The following PBX1 variants were observed in gnomAD, a reference collection of about 807,000 sequenced individuals.
PBX1 encodes the protein PBX homeobox 1.
A neutral mutation model predicts 53.4 loss-of-function variants in PBX1; 6 were observed. The ratio of observed to expected loss-of-function variants is 0.11; its 90% confidence interval spans 0.06 to 0.22. The LOEUF is 0.22. PBX1 is among the 10% of genes least tolerant of loss of function. The probability of loss-of-function intolerance (pLI) is 1.00; values close to 1 mark genes in which losing one functional copy is unlikely to be tolerated. For synonymous variants in PBX1, 204 were observed against 212.3 expected (o/e 0.96, Z 0.34); for missense variants, 251 against 551.4 (o/e 0.46, Z 5.46).
intron 2 of PBX1, among the ~76,000 whole-genome samples, chr1:164,566,033 A>G (rs1037833309): frequency 6.6e-6 from 1 of 152,096 alleles, no homozygotes; most frequent in Non-Finnish European, 1.5e-5. Flanking sequence ...GGAACTTGGT[A>G]ATTGCATTGA....
chr1:164,700,560 T>C, intron 2 of PBX1: 1 of 985,242 alleles, frequency 1.0e-6, no homozygotes, highest in South Asian at 4.7e-5. Flanking sequence ...TTGCTCTAGG[T>C]TGGGGGACAC....
intron 2 of PBX1, among the ~76,000 whole-genome samples, chr1:164,768,282 C>T (rs1191267216): frequency 6.6e-6 from 1 of 152,182 alleles, no homozygotes; most frequent in East Asian, 1.9e-4. Context: ...TAGCTTGGGA[C>T]TTAAGGCTTG....
At chr1:164,763,923 C>T (rs1357773829) in intron 2 of PBX1, among the ~76,000 whole-genome samples, 1 of 152,144 alleles carries the variant, frequency 6.6e-6, no homozygotes, top group East Asian at 1.9e-4. Flanking sequence ...CACATTCCCC[C>T]TTGGTGTTAC....
intron 2 of PBX1, among the ~76,000 whole-genome samples, chr1:164,644,003 C>T (rs1659304593): frequency 6.6e-6 from 1 of 152,210 alleles, no homozygotes; most frequent in Non-Finnish European, 1.5e-5. Flanking sequence ...GCATTCCCTT[C>T]ACAATTCTTT....
intron 2 of PBX1, chr1:164,770,980 A>G (rs191926872): frequency 6.6e-6 from 1 of 152,176 alleles, no homozygotes; most frequent in Admixed American, 6.5e-5. Context: ...CAGCTTTCAT[A>G]GGATGGGTAC....
intron 2 of PBX1, among the ~76,000 whole-genome samples, chr1:164,621,642 A>T (rs572756034): frequency 1.3e-5 from 2 of 152,156 alleles, no homozygotes; most frequent in African/African-American, 4.8e-5. Flanking sequence ...TGCACAGTCT[A>T]TCTTTTTGGC....
chr1:164,855,871 T>C (rs1450784420), downstream of PBX1, among the ~76,000 whole-genome samples: 1 of 152,214 alleles, frequency 6.6e-6, no homozygotes, highest in Admixed American at 6.5e-5. Flanking sequence ...GAAATATTCA[T>C]GTCTTTGTGA....
chr1:164,730,944 C>A (rs1260892728), intron 2 of PBX1, among the ~76,000 whole-genome samples: 3 of 152,100 alleles, frequency 2.0e-5, no homozygotes, highest in Non-Finnish European at 2.9e-5. Flanking sequence ...CATTTTCTTT[C>A]ATGTGCATGT....
intron 2 of PBX1, among the ~76,000 whole-genome samples, chr1:164,672,605 C>G (rs1315433339): frequency 6.6e-6 from 1 of 152,192 alleles, no homozygotes; most frequent in Non-Finnish European, 1.5e-5. Flanking sequence ...TCTTCTTGAG[C>G]TGCAGCTGAT....
chr1:164,717,462 G>T (rs763393261), intron 2 of PBX1, among the ~76,000 whole-genome samples: 1 of 152,136 alleles, frequency 6.6e-6, no homozygotes, highest in Non-Finnish European at 1.5e-5. Context: ...TCCCCTCCCA[G>T]ACTGAGCTCT....
chr1:164,707,394 G>GGTGTGTGTGTGT (rs3830328), intron 2 of PBX1, among the ~76,000 whole-genome samples: 11 of 103,502 alleles, frequency 1.1e-4, no homozygotes, highest in African/African-American at 4.2e-4. Flanking sequence ...ACACCACTGA[G>GGTGTGTGTGTGT]GTGTGTGTGT....
intron 2 of PBX1, among the ~76,000 whole-genome samples, chr1:164,655,892 T>A (rs1319529809): frequency 6.6e-6 from 1 of 152,126 alleles, no homozygotes; most frequent in Non-Finnish European, 1.5e-5. Flanking sequence ...GTATGACAAA[T>A]GAGGCTATGG....
At chr1:164,611,911 C>T (rs1030858286) in intron 2 of PBX1, among the ~76,000 whole-genome samples, 3 of 152,198 alleles carry the variant, frequency 2.0e-5, no homozygotes, top group East Asian at 1.9e-4. Context: ...GCAACAATGC[C>T]CTCCTTTCTT....
At chr1:164,839,988 G>A (rs1396381183) in intron 8 of PBX1, among the ~76,000 whole-genome samples, 2 of 151,942 alleles carry the variant, frequency 1.3e-5, no homozygotes, top group Admixed American at 6.6e-5. Flanking sequence ...TCCAAGCAGA[G>A]GATTGGCTTC....
At chr1:164,608,477 A>G (rs919337068) in intron 2 of PBX1, among the ~76,000 whole-genome samples, 1 of 152,242 alleles carries the variant, frequency 6.6e-6, no homozygotes, top group East Asian at 1.9e-4. Context: ...TAACAAAAAT[A>G]CTTTCCACTT....
intron 2 of PBX1, among the ~76,000 whole-genome samples, chr1:164,730,718 C>A (rs572923495): frequency 2.0e-5 from 3 of 152,114 alleles, no homozygotes; most frequent in Non-Finnish European, 4.4e-5. Context: ...TACTGCTTTG[C>A]GTAAGTTTAA....
intron 2 of PBX1, among the ~76,000 whole-genome samples, chr1:164,788,639 T>TA (rs201436794): frequency 6.6e-6 from 1 of 152,146 alleles, no homozygotes; most frequent in Non-Finnish European, 1.5e-5. Context: ...TATTGTTCCT[T>TA]AAAAAAATTT....
rs1220772390 is a variant in PBX1, at chr1:164,615,108, C to T, written c.265+51797C>T. ...ACTCTTTAAGATTATTCAACTCTTT[C>T]CTTAATTCTTAGGTAGTCAGGATTC... On this transcript the variant is annotated intron_variant, in intron 2 of 8. Transcript: ENST00000420696. 2.0e-5 allele frequency among the ~76,000 whole-genome samples: 3 copies of T among 152,158 alleles called. No individual in the cohort carries two copies. In the East Asian group the frequency reaches 5.8e-4, roughly 29 times the overall value.
intron 3 of PBX1, among the ~76,000 whole-genome samples, chr1:164,793,961 G>A (rs1015881674): frequency 7.5e-6 from 1 of 133,716 alleles, no homozygotes; most frequent in African/African-American, 2.9e-5. Context: ...TGCAACCTCT[G>A]TGTCCCAGGT....
Sources: gnomAD v4.1 joint callset for allele counts (sites outside exome capture counted in the v4.1 genomes callset) on GRCh38, gnomAD v4.1.1 for gene constraint, MANE v1.5 for transcripts, NCBI Gene and HGNC (gene_info 2026-07-23, HGNC 2026-07-21) for gene names.